Variants in OSBP2 observed in about 807,000 individuals in gnomAD.
The protein encoded by OSBP2 is oxysterol-binding protein 2.
A neutral mutation model predicts 96.0 loss-of-function variants in OSBP2; 66 were observed. The ratio of observed to expected loss-of-function variants is 0.69; its 90% CI spans 0.56 to 0.84. The LOEUF (loss-of-function observed/expected upper bound fraction) is 0.84. OSBP2 is among the 40% of genes least tolerant of loss of function. OSBP2 has a pLI of 0.00. For missense variants in OSBP2, 1,038 were observed against 1,222.7 expected (o/e 0.85, Z 2.25); for synonymous variants, 525 against 520.9 (o/e 1.01, Z -0.11).
chr22:30,865,629 CTCAAAAA>C, intron 2 of OSBP2, among the ~76,000 whole-genome samples: 1 of 68,898 alleles, frequency 1.5e-5, no homozygotes. Context: ...AAGACTCCAT[CTCAAAAA>C]AAAAAAAAAA....
Position 30,741,278 on chromosome 22 carries a change from C to G in OSBP2, c.762C>G (p.Leu254=). ...CCAGTGGGGCCAGGAGCTACCACCT[C>G]AAGGCCAGCTCAGAGGTGGACCGGC... The part of the protein sequence containing the change: ...LLTSGARSYH[L]KASSEVDRQQ... The change falls in exon 2 of 14, where the codon CTC becomes CTG. Residue 254 remains leucine, a synonymous_variant. Transcript: ENST00000332585. 6.2e-7 allele frequency: 1 copy of G among 1,614,048 alleles called. No individual in the cohort carries two copies. Among genetic ancestry groups the G allele is most frequent in the Non-Finnish European group, 8.5e-7 (1 of 1,180,050 alleles).
At chr22:30,843,453 C>CGG (rs59462860) in intron 2 of OSBP2, among the ~76,000 whole-genome samples, 18,911 of 148,388 alleles carry the variant, frequency 0.13, 1,339 homozygotes, top group Non-Finnish European at 0.17. Context: ...TTCCCCCCTC[C>CGG]CCCTTGAGCA....
In OSBP2 at chr22:30,871,193, C is replaced by T. The variant is rs899774768; in HGVS notation, c.1107+511C>T. 1.3e-5 allele frequency among the ~76,000 whole-genome samples: 2 copies of T among 152,074 alleles called. No homozygotes were observed. Among genetic ancestry groups the T allele is most frequent in the African/African-American group, 2.4e-5 (1 of 41,392 alleles). ...GCCTCAGAGCTGAGCCTGCCGAGGT[C>T]GTGCCAACCTGATGGTAGACAAAGC... On this transcript the variant is annotated intron_variant, in intron 3 of 13. Coordinates refer to ENST00000332585, the MANE Select transcript of OSBP2 (RefSeq NM_030758.4). The surrounding 1 kb of genome is among the most constrained non-coding windows in gnomAD (Gnocchi z 4.7).
chr22:30,807,012 G>C (rs2090937914), intron 2 of OSBP2, among the ~76,000 whole-genome samples: 2 of 152,174 alleles, frequency 1.3e-5, no homozygotes, highest in Admixed American at 6.5e-5. Flanking sequence ...CCATAAACTT[G>C]AATTGTTTAA....
In OSBP2 at chr22:30,755,955, C is replaced by G. The variant is rs181920997; in HGVS notation, c.853+14586C>G. Among the ~76,000 whole-genome samples the G allele has an allele frequency of 2.0e-4, 31 of 152,312 alleles. No individual in the cohort carries two copies. The East Asian group carries it at 5.8e-3, about 28-fold the overall frequency. On this transcript the variant is annotated intron_variant, in intron 2 of 13. Coordinates refer to ENST00000332585, the MANE Select transcript of OSBP2 (RefSeq NM_030758.4). ...TGGGCCTCGTTCCCTGGTCGGCATGCTCTTGCATCTTCAGCTGTGCCTTAA... is the reference window on the plus strand; with the variant it reads ...TGGGCCTCGTTCCCTGGTCGGCATGGTCTTGCATCTTCAGCTGTGCCTTAA...
At chr22:30,827,363 G>A (rs1366442685) in intron 2 of OSBP2, among the ~76,000 whole-genome samples, 2 of 152,082 alleles carry the variant, frequency 1.3e-5, no homozygotes, top group Non-Finnish European at 2.9e-5. Flanking sequence ...ACTGTGAAGC[G>A]GTACCTTCTG....
At chr22:30,708,253 T>G (rs2089287803) in intron 1 of OSBP2, among the ~76,000 whole-genome samples, 1 of 152,146 alleles carries the variant, frequency 6.6e-6, no homozygotes, top group Non-Finnish European at 1.5e-5. Flanking sequence ...GCTCATTGTA[T>G]TAATGTGTAT....
rs115282969 is a variant in OSBP2 at position 30,754,195 on chromosome 22, A to G, written c.853+12826A>G. 6.6e-3 allele frequency among the ~76,000 whole-genome samples: 1,007 copies of G among 152,230 alleles called. 10 individuals are homozygous for G. Among genetic ancestry groups the G allele is most frequent in the African/African-American group, 0.023 (954 of 41,536 alleles). Reference sequence around the variant, plus strand: ...CAGACTTTTCCAAGTGCGTGAGAAGATGCTGAAACTCCCTGGATGTGTTTT... The same window carrying G: ...CAGACTTTTCCAAGTGCGTGAGAAGGTGCTGAAACTCCCTGGATGTGTTTT... On this transcript the variant is annotated intron_variant, in intron 2 of 13. Coordinates refer to ENST00000332585, the MANE Select transcript of OSBP2 (RefSeq NM_030758.4).
intron 2 of OSBP2, among the ~76,000 whole-genome samples, chr22:30,789,650 T>G (rs2090645143): frequency 6.6e-6 from 1 of 152,208 alleles, no homozygotes; most frequent in African/African-American, 2.4e-5. Context: ...CAAGCATTTC[T>G]TTAGGCTTCC....
At chr22:30,797,929 T>G (rs2145836370) in intron 2 of OSBP2, among the ~76,000 whole-genome samples, 1 of 152,316 alleles carries the variant, frequency 6.6e-6, no homozygotes, top group Admixed American at 6.5e-5. Context: ...ACGTATCTCT[T>G]TGAGACCCTG....
At chr22:30,872,871 G>A (rs571245669) in intron 3 of OSBP2, among the ~76,000 whole-genome samples, 50 of 152,338 alleles carry the variant, frequency 3.3e-4, no homozygotes, top group African/African-American at 1.1e-3. Flanking sequence ...CAAGGGTTCA[G>A]CCCCCACTGT....
chr22:30,831,291 C>T (rs1283581565), intron 2 of OSBP2, among the ~76,000 whole-genome samples: 2 of 152,202 alleles, frequency 1.3e-5, no homozygotes, highest in Non-Finnish European at 2.9e-5. Context: ...TTTTCACTTG[C>T]AATTGACTAA....
At chr22:30,843,602 G>T (rs1253400785) in intron 2 of OSBP2, among the ~76,000 whole-genome samples, 1 of 152,146 alleles carries the variant, frequency 6.6e-6, no homozygotes, top group Admixed American at 6.5e-5. Flanking sequence ...TGTAGCTCAT[G>T]CCTGTAATCC....
intron 3 of OSBP2, among the ~76,000 whole-genome samples, chr22:30,883,092 G>T (rs146890807): frequency 6.6e-6 from 1 of 152,362 alleles, no homozygotes; most frequent in East Asian, 1.9e-4. Context: ...TCTGGGGGCT[G>T]TAGGAGACTG....
chr22:30,858,627 C>T (rs1390008617), intron 2 of OSBP2, among the ~76,000 whole-genome samples: 3 of 151,352 alleles, frequency 2.0e-5, no homozygotes, highest in Non-Finnish European at 4.4e-5. Context: ...ACCTGTAATC[C>T]CAGTACTTTG....
chr22:30,762,075 G>T (rs2090210858), intron 2 of OSBP2, among the ~76,000 whole-genome samples: 1 of 151,438 alleles, frequency 6.6e-6, no homozygotes, highest in Non-Finnish European at 1.5e-5. Flanking sequence ...AGAAATATTA[G>T]CCAGGCATAG....
intron 3 of OSBP2, among the ~76,000 whole-genome samples, chr22:30,874,059 A>C (rs943235475): frequency 1.3e-5 from 2 of 152,194 alleles, no homozygotes; most frequent in African/African-American, 4.8e-5. Flanking sequence ...CAACATGGTG[A>C]AACCCTGTCT....
chr22:30,712,577 C>A (rs1249136021), intron 1 of OSBP2, among the ~76,000 whole-genome samples: 4 of 152,176 alleles, frequency 2.6e-5, no homozygotes, highest in African/African-American at 7.2e-5. Flanking sequence ...AGGAAATAAT[C>A]TTTTATATGT....
At chr22:30,784,411 G>A (rs2090559783) in intron 2 of OSBP2, among the ~76,000 whole-genome samples, 1 of 151,792 alleles carries the variant, frequency 6.6e-6, no homozygotes, top group South Asian at 2.1e-4. Flanking sequence ...ATGCCACCAT[G>A]CCTGGCTGAT....
Sources: gnomAD v4.1 joint callset for allele counts (sites outside exome capture counted in the v4.1 genomes callset) on GRCh38, gnomAD v4.1.1 for gene constraint, Gnocchi (gnomAD v3.1) non-coding constraint, MANE v1.5 for transcripts, NCBI Gene and HGNC (gene_info 2026-07-23, HGNC 2026-07-21) for gene names.